The following ST6GALNAC3 variants were observed in gnomAD, a reference collection of about 807,000 sequenced individuals.
ST6GALNAC3 encodes the protein ST6 N-acetylgalactosaminide alpha-2,6-sialyltransferase 3.
ST6GALNAC3 carries 25 observed loss-of-function variants against 32.7 expected under a neutral mutation model. The ratio of observed to expected loss-of-function variants is 0.76; its 90% confidence interval spans 0.56 to 1.07. The LOEUF (loss-of-function observed/expected upper bound fraction) is 1.07. Among genes scored for constraint, ST6GALNAC3 ranks in the 50% least tolerant of loss-of-function variants. The probability of loss-of-function intolerance (pLI) is 0.00; values close to 1 mark genes in which losing one functional copy is unlikely to be tolerated. For missense variants in ST6GALNAC3, 355 were observed against 382.4 expected (o/e 0.93, Z 0.60); for synonymous variants, 129 against 133.1 (o/e 0.97, Z 0.21).
At chr1:76,161,895 C>A (rs1015214798) in intron 1 of ST6GALNAC3, among the ~76,000 whole-genome samples, 2 of 152,182 alleles carry the variant, frequency 1.3e-5, no homozygotes, top group African/African-American at 4.8e-5. Context: ...TGCATTAGTG[C>A]TTCAGTCAAA....
At chr1:76,297,039 A>G (rs970830285) in intron 1 of ST6GALNAC3, among the ~76,000 whole-genome samples, 5 of 152,032 alleles carry the variant, frequency 3.3e-5, no homozygotes, top group African/African-American at 1.2e-4. Context: ...ATTGGTCAGC[A>G]TCTGTATAGA....
chr1:76,345,290 A>G (rs533370200), intron 2 of ST6GALNAC3, among the ~76,000 whole-genome samples: 35 of 152,274 alleles, frequency 2.3e-4, no homozygotes, highest in Admixed American at 1.4e-3. Flanking sequence ...CCTTTTACTC[A>G]TAGAAAGCAG....
chr1:76,111,931 C>T (rs1647982757), intron 1 of ST6GALNAC3, among the ~76,000 whole-genome samples: 2 of 152,220 alleles, frequency 1.3e-5, no homozygotes, highest in African/African-American at 4.8e-5. Context: ...GTCATCATGG[C>T]CCCTTCTCAA....
At chr1:76,153,776 T>G (rs751866147) in intron 1 of ST6GALNAC3, among the ~76,000 whole-genome samples, 3 of 152,144 alleles carry the variant, frequency 2.0e-5, no homozygotes, top group Non-Finnish European at 4.4e-5. Context: ...CAGGGAACAG[T>G]TAGTCATATT....
rs149398990 is a variant in ST6GALNAC3, at chr1:76,194,798, T to C, written c.19-119007T>C. Among the ~76,000 whole-genome samples the C allele has an allele frequency of 8.7e-3, 1,331 of 152,326 alleles. 24 individuals are homozygous for C. Among genetic ancestry groups the C allele is most frequent in the African/African-American group, 0.03 (1,252 of 41,576 alleles). On this transcript the variant is annotated intron_variant, in intron 1 of 4. Transcript: ENST00000328299. ...TTTTGTTACTACAGCAAAACTCCAA[T>C]TGGTAGTTTTCTAAAGGTTAGTTGC...
Position 76,135,523 on chromosome 1 carries a change from C to T in ST6GALNAC3, c.18+60639C>T, listed in dbSNP as rs117497944. 3.2e-3 allele frequency among the ~76,000 whole-genome samples: 489 copies of T among 152,292 alleles called. 18 individuals are homozygous for T. In the East Asian group the frequency reaches 0.079, roughly 25 times the overall value. On this transcript the variant is annotated intron_variant, in intron 1 of 4. Transcript: ENST00000328299. ...AGGAAACTTAAGGCTCAGACTGTTT[C>T]ACCTACTCAGATCAAATAGCTAATA...
Position 76,590,648 on chromosome 1 carries a change from A to T in ST6GALNAC3, c.624-36804A>T, listed in dbSNP as rs1306713020. Among the ~76,000 whole-genome samples the T allele has an allele frequency of 1.3e-5, 2 of 152,218 alleles. 1 individual carries two copies. Among genetic ancestry groups the T allele is most frequent in the Non-Finnish European group, 2.9e-5 (2 of 68,048 alleles). On this transcript the variant is annotated intron_variant, in intron 3 of 4. Transcript: ENST00000328299. Reference sequence around the variant, plus strand: ...AATTAATAATTTTCTTAGGCATTCAATGTGAATAATAAAGCTGAACTCATT... The same window carrying T: ...AATTAATAATTTTCTTAGGCATTCATTGTGAATAATAAAGCTGAACTCATT...
At chr1:76,111,864 T>C (rs545563861) in intron 1 of ST6GALNAC3, among the ~76,000 whole-genome samples, 1,599 of 151,678 alleles carry the variant, frequency 0.011, 22 homozygotes, top group African/African-American at 0.033. Flanking sequence ...GGCAACCATC[T>C]GATTTCTCAA....
At chr1:76,611,453 A>T (rs1411994544) in intron 3 of ST6GALNAC3, among the ~76,000 whole-genome samples, 1 of 152,152 alleles carries the variant, frequency 6.6e-6, no homozygotes, top group Non-Finnish European at 1.5e-5. Context: ...ATTCTCTGTA[A>T]TGTGATGAAT....
At chr1:76,086,364 T>G (rs1020595640) in intron 1 of ST6GALNAC3, among the ~76,000 whole-genome samples, 1 of 152,216 alleles carries the variant, frequency 6.6e-6, no homozygotes, top group African/African-American at 2.4e-5. Flanking sequence ...CGATAGTTTT[T>G]TTTCGTGTTG....
At chr1:76,092,634 C>T (rs1241021968) in intron 1 of ST6GALNAC3, among the ~76,000 whole-genome samples, 1 of 152,128 alleles carries the variant, frequency 6.6e-6, no homozygotes, top group Non-Finnish European at 1.5e-5. Context: ...TCACACAGGA[C>T]CCCATGCTTA....
At chr1:76,114,942 A>C (rs571342217) in intron 1 of ST6GALNAC3, among the ~76,000 whole-genome samples, 1 of 150,688 alleles carries the variant, frequency 6.6e-6, no homozygotes, top group Admixed American at 6.6e-5. Flanking sequence ...AAAGAAAAAG[A>C]AAAAAAAGGT....
intron 1 of ST6GALNAC3, among the ~76,000 whole-genome samples, chr1:76,294,524 A>T (rs888406544): frequency 1.3e-5 from 2 of 152,106 alleles, no homozygotes; most frequent in Non-Finnish European, 2.9e-5. Context: ...AGAGAGAATT[A>T]GATTTGATTA....
At chr1:76,147,627 G>A (rs182181475) in intron 1 of ST6GALNAC3, among the ~76,000 whole-genome samples, 16 of 152,200 alleles carry the variant, frequency 1.1e-4, no homozygotes, top group Admixed American at 1.0e-3. Context: ...ACCTCAACTA[G>A]AACGTAAGCT....
chr1:76,384,662 A>G (rs549478666), intron 2 of ST6GALNAC3, among the ~76,000 whole-genome samples: 3 of 152,156 alleles, frequency 2.0e-5, no homozygotes, highest in Admixed American at 1.3e-4. Context: ...AAAAAATTCA[A>G]TGAGTTGAAA....
At chr1:76,587,496 G>A (rs1458673379) in intron 3 of ST6GALNAC3, among the ~76,000 whole-genome samples, 1 of 152,198 alleles carries the variant, frequency 6.6e-6, no homozygotes, top group African/African-American at 2.4e-5. Context: ...GCATTCTGCT[G>A]CCCGTCCTGG....
At chr1:76,423,154 A>C (rs1303372533) in intron 3 of ST6GALNAC3, among the ~76,000 whole-genome samples, 2 of 152,020 alleles carry the variant, frequency 1.3e-5, no homozygotes, top group African/African-American at 4.8e-5. Flanking sequence ...CGTGTAGTTC[A>C]GATTAGCACT....
At chr1:76,447,780 C>T (rs12093486) in intron 3 of ST6GALNAC3, among the ~76,000 whole-genome samples, 25,204 of 152,106 alleles carry the variant, frequency 0.17, 2,271 homozygotes, top group African/African-American at 0.22. Flanking sequence ...TGCGGGTGCA[C>T]GGAACTCAAG....
chr1:76,156,766 C>T lies in ST6GALNAC3; in HGVS notation c.18+81882C>T, dbSNP rs186329255. On this transcript the variant is annotated intron_variant, in intron 1 of 4. Coordinates refer to ENST00000328299, the MANE Select transcript of ST6GALNAC3 (RefSeq NM_152996.4). ...CTTTTTTTTGAGACGGAGTCTCGCT[C>T]TCTCGCCCAGGCTGGAGTACAGTGG... Among the ~76,000 whole-genome samples the T allele has an allele frequency of 4.7e-4, 72 of 152,300 alleles. 1 individual carries two copies. The highest frequency in any genetic ancestry group is 1.3e-3 in the African/African-American group (54 of 41,576).
Sources: gnomAD v4.1 joint callset for allele counts (sites outside exome capture counted in the v4.1 genomes callset) on GRCh38, gnomAD v4.1.1 for gene constraint, MANE v1.5 for transcripts, NCBI Gene and HGNC (gene_info 2026-07-23, HGNC 2026-07-21) for gene names.